Variants in PTF1A observed in about 807,000 individuals in gnomAD.
PTF1A encodes pancreas associated transcription factor 1a.
Under a neutral mutation model 22.6 loss-of-function variants are expected in PTF1A, and 18 were observed. The observed-to-expected ratio is 0.80, with a 90% CI of 0.55 to 1.18. The LOEUF (loss-of-function observed/expected upper bound fraction) is 1.18, where lower values mean the gene tolerates loss of function less well. Among genes scored for constraint, PTF1A ranks in the 50% most tolerant of loss-of-function variants. The probability of loss-of-function intolerance (pLI) is 0.00; values close to 1 mark genes in which losing one functional copy is unlikely to be tolerated. For missense variants in PTF1A, 477 were observed against 473.0 expected, an observed-to-expected ratio of 1.01 and a Z score of -0.08; for synonymous variants, 259 against 227.9, an observed-to-expected ratio of 1.14 and a Z score of -1.23.
At chr10:23,193,629 TCCTAAAGGAC>T (rs1296628067) in intron 1 of PTF1A, 65 bp from the exon 2 acceptor site, 23 of 1,081,342 alleles carry the variant, frequency 2.1e-5, no homozygotes, top group Non-Finnish European at 3.3e-5. Context: ...CAGGAAAGGG[TCCTAAAGGAC>T]CTGATGGGAC....
Position 23,192,351 on chromosome 10 carries a change from C to CGCGGGCCAGA in PTF1A, c.-176_-167dup. On this transcript the variant is annotated 5_prime_UTR_variant, in exon 1 of 2. Transcript: ENST00000376504. The stretch of plus-strand genomic sequence containing the variant: ...ACAGCCCTCCCCAGCGCAGCGCGAG[C>CGCGGGCCAGA]GCGGGCCAGAGCGCAGCGGCCGCGG... 1 of 595,828 alleles carries CGCGGGCCAGA rather than the reference C, an allele frequency of 1.7e-6. No homozygotes were observed. Among genetic ancestry groups the CGCGGGCCAGA allele is most frequent in the South Asian group, 3.6e-5 (1 of 27,630 alleles). The allele number at this position is 595,828 out of a possible 1,614,324, so 36.9% of individuals were successfully genotyped here.
Position 23,193,835 on chromosome 10 carries a change from C to T in PTF1A, c.916C>T (p.Pro306Ser). The T allele has an allele frequency of 1.2e-6, 2 of 1,614,052 alleles. No homozygotes were observed. The change falls in exon 2 of 2, where the codon CCC becomes TCC. Residue 306 changes from proline to serine, a missense_variant. Coordinates refer to ENST00000376504, the MANE Select transcript of PTF1A (RefSeq NM_178161.3). ...RTAKVWTPEDPRKLNSKSSFN... is the reference protein window; with the variant it reads ...RTAKVWTPEDSRKLNSKSSFN... ...AGCCAAAGTCTGGACCCCAGAGGAC[C>T]CCAGAAAACTCAACAGCAAATCTTC...
Sources: allele counts gnomAD v4.1 joint callset, GRCh38; gene constraint gnomAD v4.1.1; transcripts MANE v1.5; gene names NCBI Gene and HGNC (gene_info 2026-07-23, HGNC 2026-07-21).